Variants in UBR1 observed in about 807,000 individuals in gnomAD.
UBR1 encodes the protein ubiquitin protein ligase E3 component n-recognin 1.
In UBR1, 102 loss-of-function variants were observed where a neutral mutation model predicts 242.1. The observed-to-expected ratio is 0.42, with a 90% CI of 0.36 to 0.50. The LOEUF is 0.50. UBR1 is among the 20% of genes least tolerant of loss of function. The probability of loss-of-function intolerance (pLI) is 0.01; values close to 1 mark genes in which losing one functional copy is unlikely to be tolerated. For synonymous variants in UBR1, 675 were observed against 684.8 expected, an observed-to-expected ratio of 0.99 and a Z score of 0.22; for missense variants, 1,772 against 2,101.8, an observed-to-expected ratio of 0.84 and a Z score of 3.07.
rs1356141250 is a variant in UBR1 at position 43,037,894 on chromosome 15, G to A, written c.1912-11C>T. 4.4e-6 allele frequency: 7 copies of A among 1,606,208 alleles called. No individual in the cohort carries two copies. The highest frequency in any genetic ancestry group is 1.7e-5 in the Admixed American group (1 of 59,526). On this transcript the variant is annotated splice_polypyrimidine_tract_variant and intron_variant, in intron 16 of 46. Coordinates refer to ENST00000290650, the MANE Select transcript of UBR1 (RefSeq NM_174916.3). ...TACTTGAAAGTCCTCCTGAAATAGAGTGAGTTCAATTTTATCATTTCTCAC... is the reference window on the plus strand; with the variant it reads ...TACTTGAAAGTCCTCCTGAAATAGAATGAGTTCAATTTTATCATTTCTCAC...
intron 3 of UBR1, among the ~76,000 whole-genome samples, chr15:43,076,524 G>A (rs1167526152): frequency 7.0e-6 from 1 of 142,596 alleles, no homozygotes; most frequent in Non-Finnish European, 1.5e-5. Flanking sequence ...GCCGCCCATC[G>A]TCTGAGATGT....
intron 12 of UBR1, among the ~76,000 whole-genome samples, chr15:43,049,051 T>C (rs1229633271): frequency 2.6e-5 from 4 of 152,228 alleles, no homozygotes; most frequent in African/African-American, 9.6e-5. Context: ...AATGACTGGT[T>C]TCATATACAA....
intron 27 of UBR1, among the ~76,000 whole-genome samples, chr15:43,018,307 G>A (rs570871010): frequency 8.5e-5 from 13 of 152,074 alleles, no homozygotes; most frequent in African/African-American, 1.4e-4. Flanking sequence ...AGCTATCCTC[G>A]GAGACATTTC....
intron 45 of UBR1, among the ~76,000 whole-genome samples, chr15:42,950,793 T>C (rs1438674686): frequency 6.6e-6 from 1 of 152,226 alleles, no homozygotes; most frequent in African/African-American, 2.4e-5. Context: ...ACTAGGGAAG[T>C]ATGCCAGCTT....
intron 6 of UBR1, among the ~76,000 whole-genome samples, chr15:43,065,901 G>A (rs1432278163): frequency 6.6e-6 from 1 of 152,038 alleles, no homozygotes; most frequent in Admixed American, 6.6e-5. Flanking sequence ...TTGCAAAAAT[G>A]TTCTCTTATT....
intron 3 of UBR1, among the ~76,000 whole-genome samples, chr15:43,076,675 C>T (rs1332469413): frequency 1.4e-5 from 2 of 146,034 alleles, no homozygotes; most frequent in Non-Finnish European, 3.0e-5. Flanking sequence ...TGGCAACCGC[C>T]CCGTCTGAGA....
At chr15:43,059,861 T>G in intron 7 of UBR1, 36 bp from the exon 8 acceptor site, 1 of 1,612,828 alleles carries the variant, frequency 6.2e-7, no homozygotes, top group African/African-American at 1.3e-5. Flanking sequence ...AAAATAGCAT[T>G]TAAAATTTGC....
At chr15:43,105,899 G>T in intron 1 of UBR1, 43 bp downstream of exon 1, 1 of 1,590,436 alleles carries the variant, frequency 6.3e-7, no homozygotes. Context: ...CAGTAGGGAG[G>T]GACCGGGGGG....
At chr15:43,057,044 C>T (rs1007844945) in intron 10 of UBR1, among the ~76,000 whole-genome samples, 24 of 152,094 alleles carry the variant, frequency 1.6e-4, no homozygotes, top group African/African-American at 5.8e-4. Context: ...ACTTAACCTA[C>T]TTTAAGTTAG....
intron 5 of UBR1, among the ~76,000 whole-genome samples, chr15:43,069,281 AT>A (rs772816969): frequency 0.011 from 1,626 of 142,390 alleles, 7 homozygotes; most frequent in Admixed American, 0.015. Flanking sequence ...TGTGTTCAGT[AT>A]TTTTTTTTTT....
Position 42,998,225 on chromosome 15 carries a change from G to T in UBR1, c.3700C>A (p.Arg1234=), listed in dbSNP as rs770295197. The T allele has an allele frequency of 5.3e-5, 85 of 1,613,784 alleles. No homozygotes were observed. Among genetic ancestry groups the T allele is most frequent in the Admixed American group, 3.2e-4 (19 of 59,984 alleles). ...DALAQLLTLA[R]WIQTVLARIS... is the part of the protein sequence containing the mutation. ...CTGGCCAGAACAGTCTGTATCCACCGTGCCAGGGTCAAAAGTTGAGCAAGA... is the reference window on the plus strand; with the variant it reads ...CTGGCCAGAACAGTCTGTATCCACCTTGCCAGGGTCAAAAGTTGAGCAAGA... The change falls in exon 33 of 47, where the codon CGG becomes AGG. Residue 1234 remains arginine (R), a synonymous_variant. Transcript: ENST00000290650.
At chr15:43,061,835 A>T (rs1298643105) in intron 6 of UBR1, among the ~76,000 whole-genome samples, 3 of 152,128 alleles carry the variant, frequency 2.0e-5, no homozygotes, top group African/African-American at 7.2e-5. Flanking sequence ...AAGAGGGATA[A>T]AAGACTACAA....
In UBR1 at chr15:43,086,019, C is replaced by T; in HGVS notation, c.303G>A (p.Arg101=). 1 of 1,613,834 alleles carries T rather than the reference C, an allele frequency of 6.2e-7. No homozygotes were observed. The highest frequency in any genetic ancestry group is 8.5e-7 in the Non-Finnish European group (1 of 1,179,974). ...AGGTTGTCTCTCCACTTTTGAAAAC[C>T]CTCCCACAAAGCTGAAATGCTCCAC... ...KHSGAFQLCG[R]VFKSGETTYS... The change falls in exon 2 of 47, where the codon AGG becomes AGA. Residue 101 remains arginine, a synonymous_variant. Transcript: ENST00000290650.
intron 20 of UBR1, among the ~76,000 whole-genome samples, chr15:43,031,769 T>A (rs2033260292): frequency 6.6e-6 from 1 of 152,194 alleles, no homozygotes; most frequent in African/African-American, 2.4e-5. Context: ...ACGCCTGTAA[T>A]CCCAGCACTT....
chr15:42,954,525 C>T (rs2031886379), intron 44 of UBR1, among the ~76,000 whole-genome samples: 1 of 152,116 alleles, frequency 6.6e-6, no homozygotes, highest in Admixed American at 6.6e-5. Flanking sequence ...TTCCGCAGGG[C>T]AGTGATTCTC....
intron 6 of UBR1, among the ~76,000 whole-genome samples, chr15:43,064,717 C>T (rs1238020716): frequency 6.6e-6 from 1 of 152,036 alleles, no homozygotes; most frequent in African/African-American, 2.4e-5. Context: ...GCTGGGATTA[C>T]AGGCATGTGC....
Position 42,998,205 on chromosome 15 carries a change from C to T in UBR1, c.3720G>A (p.Leu1240=). ...LTLARWIQTV[L]ARISGYNIRH... is the part of the protein sequence containing the mutation. ...TTATATTATAACCTGATATTCTGGC[C>T]AGAACAGTCTGTATCCACCGTGCCA... The change falls in exon 33 of 47, where the codon CTG becomes CTA. Residue 1240 remains leucine (L), a synonymous_variant. Transcript: ENST00000290650. The T allele has an allele frequency of 6.2e-7, 1 of 1,613,912 alleles. No homozygotes were observed. The highest frequency in any genetic ancestry group is 1.3e-5 in the African/African-American group (1 of 74,986).
At chr15:43,038,702 T>C (rs2033371743) in intron 15 of UBR1, among the ~76,000 whole-genome samples, 1 of 152,196 alleles carries the variant, frequency 6.6e-6, no homozygotes, top group Non-Finnish European at 1.5e-5. Context: ...ACAATATTAC[T>C]AACGTATTTA....
At chr15:43,094,703 T>C (rs2034139713) in intron 1 of UBR1, among the ~76,000 whole-genome samples, 1 of 152,156 alleles carries the variant, frequency 6.6e-6, no homozygotes, top group Non-Finnish European at 1.5e-5. Flanking sequence ...TTTACTTTCA[T>C]CACAATTAAG....
Sources: allele counts gnomAD v4.1 joint callset (sites outside exome capture counted in the v4.1 genomes callset), GRCh38; gene constraint gnomAD v4.1.1; transcripts MANE v1.5; gene names NCBI Gene and HGNC (gene_info 2026-07-23, HGNC 2026-07-21).